Variants in XIST observed in about 807,000 individuals in gnomAD.
XIST encodes X inactive specific transcript (non-protein coding).
At chrX:73,842,931 G>C (rs1264497576) in exon 1 of XIST, 1 of 558,616 alleles carries the variant, frequency 1.8e-6, no homozygotes, top group Admixed American at 2.2e-5. Context: ...CAGAGAGAGG[G>C]AAGACTTCGT....
exon 6 of XIST, chrX:73,823,802 A>G (rs1239650406): frequency 1.8e-6 from 1 of 554,710 alleles, no homozygotes; most frequent in East Asian, 3.3e-5. Flanking sequence ...CACTGAATAA[A>G]CTTGTTAAAT....
chrX:73,846,706 T>C (rs753604384), exon 1 of XIST: 7 of 557,508 alleles, frequency 1.3e-5, no homozygotes, highest in South Asian at 6.7e-5. Context: ...CTCTAGTGCA[T>C]AGCAACCTCG....
chrX:73,822,079 T>C (rs1244556560), exon 6 of XIST: 1 of 558,588 alleles, frequency 1.8e-6, no homozygotes, highest in Admixed American at 2.2e-5. Flanking sequence ...ACCTTGTAAA[T>C]GCACTTCAAA....
chrX:73,829,544 A>G (rs1922336672), intron 4 of XIST: 1 of 150,978 alleles, frequency 6.6e-6, no homozygotes, highest in African/African-American at 3.1e-5. Flanking sequence ...TAATCCCAGC[A>G]CTTTGGGAGG....
chrX:73,843,953 G>C (rs773229779), exon 1 of XIST: 5 of 558,530 alleles, frequency 9.0e-6, no homozygotes, highest in Non-Finnish European at 1.6e-5. Context: ...TAGTCCACCA[G>C]AAGGGGCCTT....
rs1444366619 is a variant in XIST at position 73,847,575 on chromosome X, C to A, written n.5149G>T. ...GAAAGACTTTAGGAAATCAGTACCC[C>A]CTTCTATGATGCTGAGAAGTCAAGA... On this transcript the variant is annotated non_coding_transcript_exon_variant, in exon 1 of 6. Transcript: ENST00000429829. 8 of 514,139 alleles carry A rather than the reference C, an allele frequency of 1.6e-5. No homozygotes were observed. The East Asian group carries it at 2.9e-4, about 19-fold the overall frequency. 42.4% of individuals were successfully genotyped at this position (514,139 alleles called of 1,213,427 possible).
chrX:73,841,567 C>A (rs376562664), exon 1 of XIST: 8 of 556,693 alleles, frequency 1.4e-5, no homozygotes, highest in Non-Finnish European at 2.6e-5. Context: ...ATTACATAAT[C>A]CTGTGCCACA....
In XIST at chrX:73,831,316, TG is replaced by T. The variant is rs781291347; in HGVS notation, n.11544-43del. 6.3e-6 allele frequency: 3 copies of T among 477,806 alleles called. No individual in the cohort carries two copies. The African/African-American group carries it at 7.1e-5, about 11-fold the overall frequency. 39.4% of individuals were successfully genotyped at this position (477,806 alleles called of 1,213,427 possible). On this transcript the variant is annotated intron_variant and non_coding_transcript_variant, in intron 3 of 5. Transcript: ENST00000429829. ...GAAAAAGTATTGAAATGCAGTACAC[TG>T]GGAAAGTCTGTTCTAATGGGCAACT...
At chrX:73,825,008 C>T in exon 6 of XIST, 1 of 515,557 alleles carries the variant, frequency 1.9e-6, no homozygotes, top group South Asian at 2.4e-5. Flanking sequence ...ATATGTAGCC[C>T]ATTGACATTT....
chrX:73,851,372 A>G, exon 1 of XIST: 1 of 559,382 alleles, frequency 1.8e-6, no homozygotes, highest in South Asian at 2.2e-5. Context: ...CAAGACCTTC[A>G]GCCGCCATCT....
At chrX:73,822,277 A>G (rs1922138031) in exon 6 of XIST, 1 of 556,813 alleles carries the variant, frequency 1.8e-6, no homozygotes, top group African/African-American at 2.2e-5. Flanking sequence ...CAAGCTCACT[A>G]CAAAACCCAG....
chrX:73,842,315 C>T, exon 1 of XIST: 1 of 554,489 alleles, frequency 1.8e-6, no homozygotes, highest in Non-Finnish European at 3.3e-6. Flanking sequence ...AAAGTGCCAA[C>T]CTTCCTTCCT....
exon 1 of XIST, chrX:73,846,704 CA>C (rs764726916): frequency 3.2e-5 from 18 of 557,535 alleles, no homozygotes; most frequent in Non-Finnish European, 5.2e-5. Flanking sequence ...TTCTCTAGTG[CA>C]TAGCAACCTC....
intron 5 of XIST, chrX:73,828,184 C>G (rs1246097158): frequency 2.7e-6 from 1 of 371,155 alleles, no homozygotes; most frequent in Non-Finnish European, 4.6e-6. Flanking sequence ...ACCACCAATA[C>G]CAACACAGAT....
chrX:73,837,128 A>G (rs1471044575), intron 2 of XIST, among the ~76,000 whole-genome samples: 5 of 111,882 alleles, frequency 4.5e-5, no homozygotes, highest in Admixed American at 3.8e-4. Flanking sequence ...TCCTATGTGA[A>G]CAGTATAGTA....
At chrX:73,825,475 A>T (rs747356899) in exon 6 of XIST, 2 of 520,811 alleles carry the variant, frequency 3.8e-6, no homozygotes, top group Admixed American at 5.2e-5. Flanking sequence ...ATCAATAATC[A>T]TTGCATTTTT....
Position 73,848,449 on chromosome X carries a change from C to T in XIST, n.4275G>A, listed in dbSNP as rs940117400. 4 of 556,000 alleles carry T rather than the reference C, an allele frequency of 7.2e-6. No homozygotes were observed. In the African/African-American group the frequency reaches 9.0e-5, roughly 12 times the overall value. The allele number at this position is 556,000 out of a possible 1,213,427, so 45.8% of individuals were successfully genotyped here. ...CAGAGGTCTTGAGTAGTAAGGGTCC[C>T]CTGCTGGAATACAAAGGGAGTGGAA... On this transcript the variant is annotated non_coding_transcript_exon_variant, in exon 1 of 6. Transcript: ENST00000429829.
At chrX:73,842,715 T>C (rs1603361924) in exon 1 of XIST, 1 of 558,035 alleles carries the variant, frequency 1.8e-6, no homozygotes, top group African/African-American at 2.2e-5. Context: ...GTATAATGGG[T>C]GGGACCAAGG....
intron 5 of XIST, chrX:73,828,089 G>A: frequency 9.3e-6 from 4 of 429,187 alleles, no homozygotes; most frequent in African/African-American, 5.2e-5. Flanking sequence ...ATCACAGAAA[G>A]ATAAAAAAAA....
Sources: gnomAD v4.1 joint callset for allele counts (sites outside exome capture counted in the v4.1 genomes callset) on GRCh38, gnomAD v4.1.1 for gene constraint, MANE v1.5 for transcripts, NCBI Gene and HGNC (gene_info 2026-07-23, HGNC 2026-07-21) for gene names.